The following EFNA5 variants were observed in gnomAD, a reference collection of about 807,000 sequenced individuals.
EFNA5 encodes the protein ephrin-A5.
EFNA5 carries 5 observed loss-of-function variants against 22.9 expected under a neutral mutation model. The observed-to-expected ratio is 0.22, with a 90% CI of 0.11 to 0.46. EFNA5 has a LOEUF of 0.46. Ranked by LOEUF, EFNA5 falls within the 20% of genes least tolerant of loss-of-function variation. The pLI, the probability that EFNA5 is intolerant of heterozygous loss-of-function variation, is 0.99. For synonymous variants in EFNA5, 113 were observed against 112.2 expected, an observed-to-expected ratio of 1.01 and a Z score of -0.04; for missense variants, 237 against 293.3, an observed-to-expected ratio of 0.81 and a Z score of 1.40.
At chr5:107,547,111 C>T (rs342605) in intron 1 of EFNA5, among the ~76,000 whole-genome samples, 23,306 of 152,174 alleles carry the variant, frequency 0.15, 2,003 homozygotes, top group Middle Eastern at 0.3. Context: ...AAAGAAGTAG[C>T]TTTTTGTATT....
At chr5:107,402,641 C>T (rs1185572156) in intron 2 of EFNA5, among the ~76,000 whole-genome samples, 1 of 152,184 alleles carries the variant, frequency 6.6e-6, no homozygotes, top group African/African-American at 2.4e-5. Context: ...GGTGTGGATA[C>T]ACTACTGTAT....
chr5:107,670,886 G>T lies in EFNA5; in HGVS notation c.-273C>A. On this transcript the variant is annotated 5_prime_UTR_variant, in exon 1 of 5. Coordinates refer to ENST00000333274, the MANE Select transcript of EFNA5 (RefSeq NM_001962.3). ...CAGGAGGAAAAAGGAATCACAAGAT[G>T]GAGAGAAGCGTGCGTGTGTGTGGTG... 2.4e-6 allele frequency: 1 copy of T among 414,530 alleles called. No homozygotes were observed. The highest frequency in any genetic ancestry group is 4.3e-6 in the Non-Finnish European group (1 of 232,392). 25.7% of individuals were successfully genotyped at this position (414,530 alleles called of 1,614,324 possible).
intron 2 of EFNA5, among the ~76,000 whole-genome samples, chr5:107,393,522 T>C (rs1747838562): frequency 6.6e-6 from 1 of 152,214 alleles, no homozygotes; most frequent in South Asian, 2.1e-4. Flanking sequence ...TCTGGGTACT[T>C]TGGGAAGTTT....
At chr5:107,625,322 G>A (rs1446565487) in intron 1 of EFNA5, among the ~76,000 whole-genome samples, 1 of 151,732 alleles carries the variant, frequency 6.6e-6, no homozygotes, top group Non-Finnish European at 1.5e-5. Context: ...CTTATATGCA[G>A]CTACCACCAA....
At chr5:107,613,583 C>T (rs527586698) in intron 1 of EFNA5, among the ~76,000 whole-genome samples, 8 of 152,114 alleles carry the variant, frequency 5.3e-5, no homozygotes, top group African/African-American at 1.9e-4. Context: ...TGATTGATAG[C>T]TTTTTAAACA....
At chr5:107,637,260 T>G (rs1750391982) in intron 1 of EFNA5, among the ~76,000 whole-genome samples, 1 of 152,198 alleles carries the variant, frequency 6.6e-6, no homozygotes, top group Non-Finnish European at 1.5e-5. Context: ...CCATATCTTC[T>G]CCAATCTTTA....
intron 1 of EFNA5, among the ~76,000 whole-genome samples, chr5:107,546,877 TA>T (rs1748170169): frequency 6.6e-6 from 1 of 152,128 alleles, no homozygotes; most frequent in South Asian, 2.1e-4. Flanking sequence ...GAACACTGGG[TA>T]AATTGTAATG....
At chr5:107,540,768 C>T (rs1206224102) in intron 1 of EFNA5, among the ~76,000 whole-genome samples, 1 of 152,028 alleles carries the variant, frequency 6.6e-6, no homozygotes, top group East Asian at 1.9e-4. Flanking sequence ...GGGAATCTAC[C>T]CTAAGGAACT....
At chr5:107,540,823 GA>G (rs1372558238) in intron 1 of EFNA5, among the ~76,000 whole-genome samples, 1 of 152,028 alleles carries the variant, frequency 6.6e-6, no homozygotes, top group East Asian at 1.9e-4. Context: ...TTTTAATCAA[GA>G]AAAAAAATTA....
chr5:107,539,951 TCC>T (rs2112459297), intron 1 of EFNA5, among the ~76,000 whole-genome samples: 1 of 152,326 alleles, frequency 6.6e-6, no homozygotes, highest in South Asian at 2.1e-4. Flanking sequence ...GCTGGTGGCT[TCC>T]TGCCTCAAAC....
chr5:107,430,253 G>C (rs972500043), intron 1 of EFNA5, among the ~76,000 whole-genome samples: 4 of 152,066 alleles, frequency 2.6e-5, no homozygotes, highest in Admixed American at 1.3e-4. Flanking sequence ...CAGATAAAAG[G>C]GTGCTGGGAT....
chr5:107,476,391 A>G (rs1750310293), intron 1 of EFNA5, among the ~76,000 whole-genome samples: 1 of 152,012 alleles, frequency 6.6e-6, no homozygotes, highest in Non-Finnish European at 1.5e-5. Flanking sequence ...AGTATATTAT[A>G]CTTAGAATGG....
At chr5:107,490,003 T>G (rs1269413894) in intron 1 of EFNA5, among the ~76,000 whole-genome samples, 1 of 152,060 alleles carries the variant, frequency 6.6e-6, no homozygotes, top group East Asian at 1.9e-4. Flanking sequence ...GGTGGGTGGA[T>G]CTCCAGGGTC....
chr5:107,547,812 C>T (rs560416315), intron 1 of EFNA5, among the ~76,000 whole-genome samples: 4 of 152,122 alleles, frequency 2.6e-5, no homozygotes, highest in Admixed American at 1.3e-4. Context: ...AGAAATTTCA[C>T]GGTAATGTAA....
At chr5:107,406,330 CAT>C (rs1378276283) in intron 2 of EFNA5, among the ~76,000 whole-genome samples, 1 of 151,982 alleles carries the variant, frequency 6.6e-6, no homozygotes, top group Non-Finnish European at 1.5e-5. Flanking sequence ...ACATTCTGCA[CAT>C]GTCTACGTTC....
At chr5:107,405,315 AAACG>A in intron 2 of EFNA5, among the ~76,000 whole-genome samples, 1 of 152,312 alleles carries the variant, frequency 6.6e-6, no homozygotes, top group South Asian at 2.1e-4. Context: ...TACAAATCAG[AAACG>A]TCTGTTATCC....
At chr5:107,573,199 A>G (rs980739386) in intron 1 of EFNA5, among the ~76,000 whole-genome samples, 1 of 152,098 alleles carries the variant, frequency 6.6e-6, no homozygotes, top group Non-Finnish European at 1.5e-5. Flanking sequence ...GTCTGTTCCC[A>G]GCTCTCAACT....
In EFNA5 at chr5:107,612,018, T is replaced by A. The variant is rs114661632; in HGVS notation, c.125+58471A>T. 7.2e-3 allele frequency among the ~76,000 whole-genome samples: 1,103 copies of A among 152,324 alleles called. 14 individuals are homozygous for A. The highest frequency in any genetic ancestry group is 0.025 in the African/African-American group (1,019 of 41,584). On this transcript the variant is annotated intron_variant, in intron 1 of 4. Transcript: ENST00000333274. ...ATATTAATATAATGTTAACATAGGATGGAAAGTGGGAATTAGCAATGATTA... is the reference window on the plus strand; with the variant it reads ...ATATTAATATAATGTTAACATAGGAAGGAAAGTGGGAATTAGCAATGATTA...
intron 1 of EFNA5, among the ~76,000 whole-genome samples, chr5:107,651,600 T>C (rs1750731314): frequency 6.6e-6 from 1 of 152,012 alleles, no homozygotes; most frequent in Admixed American, 6.6e-5. Flanking sequence ...TGCTTGGTGG[T>C]TTGGCATTTG....
Sources: gnomAD v4.1 joint callset for allele counts (sites outside exome capture counted in the v4.1 genomes callset) on GRCh38, gnomAD v4.1.1 for gene constraint, MANE v1.5 for transcripts, NCBI Gene and HGNC (gene_info 2026-07-23, HGNC 2026-07-21) for gene names.